The following CSMD3 variants were observed in gnomAD, a reference collection of about 807,000 sequenced individuals.
The protein encoded by CSMD3 is CUB and sushi domain-containing protein 3.
A neutral mutation model predicts 435.2 loss-of-function variants in CSMD3; 177 were observed. The ratio of observed to expected loss-of-function variants is 0.41; its 90% CI spans 0.36 to 0.46. CSMD3 has a LOEUF of 0.46. Among genes scored for constraint, CSMD3 ranks in the 20% least tolerant of loss-of-function variants. CSMD3 has a pLI of 0.34. For synonymous variants in CSMD3, 1,656 were observed against 1,520.5 expected, an observed-to-expected ratio of 1.09 and a Z score of -2.07; for missense variants, 4,265 against 4,504.6, an observed-to-expected ratio of 0.95 and a Z score of 1.52.
intron 32 of CSMD3, among the ~76,000 whole-genome samples, chr8:112,418,916 C>A (rs1812188686): frequency 6.6e-6 from 1 of 152,042 alleles, no homozygotes; most frequent in Non-Finnish European, 1.5e-5. Context: ...TATAAAATTA[C>A]CTTAGGTTAT....
intron 2 of CSMD3, among the ~76,000 whole-genome samples, chr8:113,290,288 T>A (rs1588450509): frequency 6.6e-6 from 1 of 151,782 alleles, no homozygotes; most frequent in South Asian, 2.1e-4. Context: ...ATGATAGTGA[T>A]GATTAAAGAT....
rs1244394072 is a variant in CSMD3, at chr8:112,704,951, TA to T, written c.1973-14902del. Among the ~76,000 whole-genome samples, 9 of 152,188 alleles carry T rather than the reference TA, an allele frequency of 5.9e-5. No homozygotes were observed. The South Asian group carries it at 1.7e-3, about 28-fold the overall frequency. On this transcript the variant is annotated intron_variant, in intron 13 of 70. Transcript: ENST00000297405. ...AAATGGGATATAGTGGGAATGAATTTAAAAAATCCACACTTCTTGATGATTA... is the reference window on the plus strand; with the variant it reads ...AAATGGGATATAGTGGGAATGAATTTAAAAATCCACACTTCTTGATGATTA...
intron 1 of CSMD3, among the ~76,000 whole-genome samples, chr8:113,375,672 A>G (rs1047964065): frequency 5.9e-5 from 9 of 152,288 alleles, no homozygotes; most frequent in Middle Eastern, 3.4e-3. Context: ...ACAATTTGCT[A>G]ATTGCTGAAG....
intron 12 of CSMD3, among the ~76,000 whole-genome samples, chr8:112,825,345 T>C (rs2079646060): frequency 6.6e-6 from 1 of 152,208 alleles, no homozygotes; most frequent in Non-Finnish European, 1.5e-5. Context: ...TCTGTGCCCT[T>C]GCTGGAGACG....
intron 58 of CSMD3, among the ~76,000 whole-genome samples, chr8:112,284,202 A>G (rs1383000587): frequency 6.6e-6 from 1 of 151,722 alleles, no homozygotes; most frequent in Non-Finnish European, 1.5e-5. Flanking sequence ...TCAGTTTGTC[A>G]AAAATGTTAC....
At chr8:112,867,169 A>T (rs2081008083) in intron 10 of CSMD3, among the ~76,000 whole-genome samples, 1 of 152,108 alleles carries the variant, frequency 6.6e-6, no homozygotes, top group African/African-American at 2.4e-5. Flanking sequence ...AGAAAAGGGA[A>T]CTATCCCTGA....
At position 112,418,826 on chromosome 8, in the gene CSMD3, T is replaced by C. The variant is rs1470958071; in HGVS notation, c.5396-9794A>G. Among the ~76,000 whole-genome samples, 4 of 152,150 alleles carry C rather than the reference T, an allele frequency of 2.6e-5. No individual in the cohort carries two copies. The East Asian group carries it at 7.7e-4, about 29-fold the overall frequency. ...AAACGCCTCAAACTCCAAATATTTT[T>C]TGGTGCTGAAATGACTTCACAAGTG... On this transcript the variant is annotated intron_variant, in intron 32 of 70. Transcript: ENST00000297405.
At chr8:113,212,646 C>G (rs2092851007) in intron 3 of CSMD3, among the ~76,000 whole-genome samples, 1 of 151,762 alleles carries the variant, frequency 6.6e-6, no homozygotes, top group Non-Finnish European at 1.5e-5. Flanking sequence ...GGACAAAAAA[C>G]CAAACACCGC....
At chr8:112,421,662 T>A (rs1317929976) in intron 32 of CSMD3, among the ~76,000 whole-genome samples, 1 of 147,766 alleles carries the variant, frequency 6.8e-6, no homozygotes, top group Non-Finnish European at 1.5e-5. Flanking sequence ...ATATGTAATA[T>A]GTTATATATA....
At chr8:113,433,790 T>G (rs2094689438) in intron 1 of CSMD3, among the ~76,000 whole-genome samples, 1 of 152,140 alleles carries the variant, frequency 6.6e-6, no homozygotes, top group Admixed American at 6.5e-5. Context: ...ACTTGGAGAT[T>G]CACAGTTTCT....
At chr8:112,257,884 T>G (rs1815958212) in intron 61 of CSMD3, among the ~76,000 whole-genome samples, 1 of 152,090 alleles carries the variant, frequency 6.6e-6, no homozygotes, top group Non-Finnish European at 1.5e-5. Context: ...CAAACTATAC[T>G]ACAAGGCTAC....
chr8:112,284,013 T>C (rs981317320), intron 58 of CSMD3, among the ~76,000 whole-genome samples: 2 of 140,942 alleles, frequency 1.4e-5, no homozygotes. Flanking sequence ...GCCCCATTAA[T>C]ATGTAAAATT....
intron 13 of CSMD3, among the ~76,000 whole-genome samples, chr8:112,753,532 A>G (rs1416968080): frequency 6.6e-6 from 1 of 152,216 alleles, no homozygotes; most frequent in Non-Finnish European, 1.5e-5. Context: ...CCTCATTGTA[A>G]ACACGGAAAA....
At chr8:113,369,603 T>A (rs995830628) in intron 1 of CSMD3, among the ~76,000 whole-genome samples, 10 of 151,924 alleles carry the variant, frequency 6.6e-5, no homozygotes, top group African/African-American at 2.4e-4. Context: ...ATATCTGAAT[T>A]CCCATATTTA....
At chr8:113,272,409 T>C (rs2093535659) in intron 3 of CSMD3, among the ~76,000 whole-genome samples, 1 of 152,226 alleles carries the variant, frequency 6.6e-6, no homozygotes, top group Admixed American at 6.5e-5. Flanking sequence ...GTTTCCCCCA[T>C]ACTGTTCTTG....
intron 1 of CSMD3, among the ~76,000 whole-genome samples, chr8:113,355,722 T>TATATATA: frequency 1.3e-5 from 1 of 77,816 alleles, no homozygotes; most frequent in African/African-American, 4.6e-5. Context: ...AGTTTTATTT[T>TATATATA]TATATATATA....
At chr8:113,359,254 C>T (rs2094255050) in intron 1 of CSMD3, among the ~76,000 whole-genome samples, 1 of 152,120 alleles carries the variant, frequency 6.6e-6, no homozygotes, top group African/African-American at 2.4e-5. Flanking sequence ...AATTGGAAAA[C>T]AACAAGTCAT....
chr8:113,248,694 C>T (rs1024876353), intron 3 of CSMD3, among the ~76,000 whole-genome samples: 1 of 151,022 alleles, frequency 6.6e-6, no homozygotes, highest in Non-Finnish European at 1.5e-5. Context: ...TGAGACTTTT[C>T]CAATAAGTTA....
rs567100038 is a variant in CSMD3 at position 112,875,014 on chromosome 8, G to A, written c.1634-15748C>T. 2.1e-3 allele frequency among the ~76,000 whole-genome samples: 315 copies of A among 152,166 alleles called. 1 individual carries two copies. The highest frequency in any genetic ancestry group is 2.7e-3 in the African/African-American group (114 of 41,518). On this transcript the variant is annotated intron_variant, in intron 10 of 70. Coordinates refer to ENST00000297405, the MANE Select transcript of CSMD3 (RefSeq NM_198123.2). ...GTTGATGCAGTTTCTTCATAGTGTC[G>A]ATGGACTTCACAGTTTGGTATGTTT...
Sources: gnomAD v4.1 joint callset for allele counts (sites outside exome capture counted in the v4.1 genomes callset) on GRCh38, gnomAD v4.1.1 for gene constraint, MANE v1.5 for transcripts, NCBI Gene and HGNC (gene_info 2026-07-23, HGNC 2026-07-21) for gene names.